SMARCA2: variants seen among roughly 807,000 people sequenced by gnomAD.
SMARCA2 encodes SWI/SNF related BAF chromatin remodeling complex subunit ATPase 2.
Under a neutral mutation model 199.8 loss-of-function variants are expected in SMARCA2, and 61 were observed. The ratio of observed to expected loss-of-function variants is 0.31; its 90% CI spans 0.25 to 0.38. SMARCA2 has a LOEUF of 0.38. SMARCA2 is among the 10% of genes least tolerant of loss of function. The probability of loss-of-function intolerance (pLI) is 1.00; values close to 1 mark genes in which losing one functional copy is unlikely to be tolerated. For missense variants in SMARCA2, 1,344 were observed against 2,012.2 expected, an observed-to-expected ratio of 0.67 and a Z score of 6.35; for synonymous variants, 935 against 732.0, an observed-to-expected ratio of 1.28 and a Z score of -4.48.
At position 2,058,414 on chromosome 9, in the gene SMARCA2, CAGA is replaced by C; in HGVS notation, c.1477_1479del (p.Lys493del). On this transcript the variant is annotated inframe_deletion, in exon 8 of 34. Transcript: ENST00000349721. ...TTGGCATGCCAACACTGAAAGAGAG[CAGA>C]AGAAGGAGACAGAGCGGATTGAAAA... 1 of 1,614,018 alleles carries C rather than the reference CAGA, an allele frequency of 6.2e-7. No homozygotes were observed.
At position 2,123,679 on chromosome 9, in the gene SMARCA2, A is replaced by C. The variant is rs775550457; in HGVS notation, c.3763-40A>C. The C allele has an allele frequency of 2.3e-5, 36 of 1,573,022 alleles. No homozygotes were observed. In the South Asian group the frequency reaches 3.6e-4, roughly 16 times the overall value. On this transcript the variant is annotated intron_variant, in intron 26 of 33. Coordinates refer to ENST00000349721, the MANE Select transcript of SMARCA2 (RefSeq NM_003070.5). The surrounding 1 kb of genome is among the most constrained non-coding windows in gnomAD (Gnocchi z 4.1). The stretch of plus-strand genomic sequence containing the variant: ...GTGCTGGGAAGTCTGCACCATACAG[A>C]AGCCCTGACTTTCGGTGACCCTCTT...
intron 29 of SMARCA2, among the ~76,000 whole-genome samples, chr9:2,174,182 C>G (rs1174050290): frequency 6.6e-6 from 1 of 152,244 alleles, no homozygotes; most frequent in East Asian, 1.9e-4. Flanking sequence ...CTCTGCCTCT[C>G]AAGCTCCAGG....
chr9:2,087,125 G>A (rs968252302), intron 18 of SMARCA2, 54 bp downstream of exon 18: 15 of 1,606,748 alleles, frequency 9.3e-6, no homozygotes, highest in East Asian at 2.2e-5. Context: ...TGAAATGAAA[G>A]GCCCTAAAGC....
At chr9:2,122,773 A>G (rs1252369518) in intron 26 of SMARCA2, among the ~76,000 whole-genome samples, 1 of 152,250 alleles carries the variant, frequency 6.6e-6, no homozygotes, top group East Asian at 1.9e-4. Context: ...AAGGTAAATA[A>G]CAATGATTGA....
At chr9:2,066,468 A>G (rs560696547) in intron 9 of SMARCA2, among the ~76,000 whole-genome samples, 1 of 152,336 alleles carries the variant, frequency 6.6e-6, no homozygotes, top group East Asian at 1.9e-4. Context: ...AATGGAAGAT[A>G]TGAATTGACG....
intron 27 of SMARCA2, among the ~76,000 whole-genome samples, chr9:2,145,789 A>T (rs1227612394): frequency 6.6e-6 from 1 of 152,098 alleles, no homozygotes; most frequent in Non-Finnish European, 1.5e-5. Context: ...TGTGCTATGT[A>T]CTCTAGGGGA....
At chr9:2,100,702 CAA>C (rs923678613) in intron 21 of SMARCA2, among the ~76,000 whole-genome samples, 9 of 110,088 alleles carry the variant, frequency 8.2e-5, no homozygotes, top group Admixed American at 1.9e-4. Context: ...GACTCTGTCT[CAA>C]AAAAAAAAAA....
intron 27 of SMARCA2, among the ~76,000 whole-genome samples, chr9:2,125,720 G>A (rs969961496): frequency 1.3e-5 from 2 of 152,082 alleles, no homozygotes; most frequent in Non-Finnish European, 2.9e-5. Context: ...AAACTCCTGA[G>A]CTCGGGTGAT....
intron 2 of SMARCA2, 191 bp from the exon 3 acceptor site, chr9:2,032,761 G>A (rs1819127327): frequency 2.1e-6 from 1 of 481,478 alleles, no homozygotes; most frequent in Non-Finnish European, 3.6e-6. Context: ...ACCCTCCACT[G>A]TTTAAAGACT....
chr9:2,102,855 G>T (rs887996084), intron 22 of SMARCA2, among the ~76,000 whole-genome samples: 1 of 151,898 alleles, frequency 6.6e-6, no homozygotes, highest in South Asian at 2.1e-4. Context: ...AAAACGTTCA[G>T]TATAGCTCAT....
chr9:2,147,030 T>C (rs1824785350), intron 27 of SMARCA2, among the ~76,000 whole-genome samples: 1 of 152,108 alleles, frequency 6.6e-6, no homozygotes, highest in Non-Finnish European at 1.5e-5. Flanking sequence ...CTATTCAAGA[T>C]GGAGTTGCTC....
At chr9:2,051,559 T>C (rs977537395) in intron 5 of SMARCA2, among the ~76,000 whole-genome samples, 10 of 152,254 alleles carry the variant, frequency 6.6e-5, no homozygotes, top group African/African-American at 2.4e-4. Context: ...CGATTACTTA[T>C]TTAGTCCTAG....
chr9:2,178,797 C>G (rs536284007), intron 29 of SMARCA2, among the ~76,000 whole-genome samples: 19 of 152,178 alleles, frequency 1.2e-4, no homozygotes, highest in Admixed American at 5.9e-4. Context: ...TCAAGGTATT[C>G]TATAGGTAAT....
chr9:2,025,909 G>C (rs552897479), intron 1 of SMARCA2, among the ~76,000 whole-genome samples: 1 of 152,276 alleles, frequency 6.6e-6, no homozygotes, highest in South Asian at 2.1e-4. Flanking sequence ...AGATCCTAGG[G>C]CAGCCCTGAT....
chr9:2,085,539 G>T (rs1479983221), intron 17 of SMARCA2, among the ~76,000 whole-genome samples: 1 of 152,054 alleles, frequency 6.6e-6, no homozygotes, highest in Non-Finnish European at 1.5e-5. Context: ...TTTTTTGTCT[G>T]CTTGCCTCTT....
intron 29 of SMARCA2, among the ~76,000 whole-genome samples, chr9:2,180,903 A>G (rs1468526589): frequency 1.3e-5 from 2 of 152,132 alleles, no homozygotes; most frequent in Non-Finnish European, 2.9e-5. Flanking sequence ...AAGCTTGTGA[A>G]ACATGTTCTT....
chr9:2,120,123 A>C (rs1286632514), intron 26 of SMARCA2, among the ~76,000 whole-genome samples: 1 of 152,240 alleles, frequency 6.6e-6, no homozygotes, highest in Admixed American at 6.5e-5. Flanking sequence ...GTGTGCATAA[A>C]GGTGTAGCCT....
chr9:2,036,256 A>T (rs1819327559), intron 3 of SMARCA2, among the ~76,000 whole-genome samples: 1 of 151,962 alleles, frequency 6.6e-6, no homozygotes. Context: ...TTAGAAGTTC[A>T]AGATTATTAA....
At chr9:2,138,435 T>C (rs1563795056) in intron 27 of SMARCA2, among the ~76,000 whole-genome samples, 3 of 152,256 alleles carry the variant, frequency 2.0e-5, no homozygotes, top group Non-Finnish European at 4.4e-5. Flanking sequence ...AAGGTCACTA[T>C]GCTCTTAGGA....
Sources: allele counts gnomAD v4.1 joint callset (sites outside exome capture counted in the v4.1 genomes callset), GRCh38; gene constraint gnomAD v4.1.1; non-coding constraint Gnocchi (gnomAD v3.1); transcripts MANE v1.5; gene names NCBI Gene and HGNC (gene_info 2026-07-23, HGNC 2026-07-21).